Variants in SUGCT observed in about 807,000 individuals in gnomAD.
SUGCT encodes the protein succinyl-CoA:glutarate CoA-transferase.
In SUGCT, 41 loss-of-function variants were observed where a neutral mutation model predicts 55.0. That is an observed-to-expected ratio of 0.74 (90% CI 0.58 to 0.97). SUGCT has a LOEUF of 0.97. Ranked by LOEUF, SUGCT falls within the 50% of genes least tolerant of loss-of-function variation. The pLI is 0.00. For missense variants in SUGCT, 568 were observed against 547.8 expected (o/e 1.04, Z -0.37); for synonymous variants, 187 against 200.4 (o/e 0.93, Z 0.56).
intron 9 of SUGCT, among the ~76,000 whole-genome samples, chr7:40,382,175 CTT>C (rs988006199): frequency 6.6e-5 from 10 of 152,014 alleles, no homozygotes; most frequent in Admixed American, 4.6e-4. Flanking sequence ...TGTGTAGCCT[CTT>C]TTAAGAGTTT....
At chr7:40,354,332 A>G (rs974645171) in intron 9 of SUGCT, among the ~76,000 whole-genome samples, 1 of 152,104 alleles carries the variant, frequency 6.6e-6, no homozygotes, top group Admixed American at 6.6e-5. Flanking sequence ...ATGGACGGAG[A>G]GGTGGGAAAA....
chr7:40,200,814 C>T (rs1786551615), intron 6 of SUGCT, among the ~76,000 whole-genome samples: 1 of 151,954 alleles, frequency 6.6e-6, no homozygotes, highest in African/African-American at 2.4e-5. Context: ...TGAAATGGGG[C>T]TCAGGTTTCA....
intron 7 of SUGCT, 141 bp downstream of exon 7, chr7:40,237,867 A>G (rs1789115853): frequency 3.1e-6 from 2 of 647,672 alleles, no homozygotes; most frequent in Admixed American, 3.0e-5. Flanking sequence ...GAAATTAATA[A>G]TTTTAGAAAG....
intron 9 of SUGCT, among the ~76,000 whole-genome samples, chr7:40,441,983 G>A (rs1788540692): frequency 6.6e-6 from 1 of 152,028 alleles, no homozygotes; most frequent in Admixed American, 6.6e-5. Flanking sequence ...ATGGGTCTGG[G>A]TAGAGTTAAG....
chr7:40,195,784 G>A (rs1192970863), intron 6 of SUGCT, among the ~76,000 whole-genome samples: 1 of 129,164 alleles, frequency 7.7e-6, no homozygotes, highest in African/African-American at 2.9e-5. Context: ...GCATGATCTC[G>A]GCTCACTGCA....
At chr7:40,172,909 C>T (rs941566027) in intron 1 of SUGCT, among the ~76,000 whole-genome samples, 1 of 152,168 alleles carries the variant, frequency 6.6e-6, no homozygotes, top group African/African-American at 2.4e-5. Flanking sequence ...CCTGGTATTT[C>T]CTCTGATTCT....
chr7:40,334,194 T>G (rs886537539), intron 9 of SUGCT, among the ~76,000 whole-genome samples: 2 of 152,320 alleles, frequency 1.3e-5, no homozygotes, highest in East Asian at 3.9e-4. Flanking sequence ...CTATTGTGAA[T>G]AGTGCCGCCA....
the SUGCT span, among the ~76,000 whole-genome samples, chr7:40,956,492 T>C: frequency 2.5e-4 from 38 of 152,116 alleles, no homozygotes; most frequent in African/African-American, 8.9e-4. Flanking sequence ...ATCATTTTCA[T>C]TGTTTCTATT....
intron 5 of SUGCT, 113 bp from the exon 6 acceptor site, chr7:40,194,827 C>A (rs907144917): frequency 8.1e-7 from 1 of 1,239,622 alleles, no homozygotes; most frequent in Non-Finnish European, 1.1e-6. Context: ...CTTCATCAGT[C>A]CTGTGATTTT....
chr7:41,003,568 A>G, the SUGCT span, among the ~76,000 whole-genome samples: 1 of 152,214 alleles, frequency 6.6e-6, no homozygotes, highest in Non-Finnish European at 1.5e-5. Flanking sequence ...AAATCCATGC[A>G]TCAGACAAAA....
At chr7:40,899,589 C>T in the SUGCT span, among the ~76,000 whole-genome samples, 1 of 151,994 alleles carries the variant, frequency 6.6e-6, no homozygotes, top group African/African-American at 2.4e-5. Context: ...AAAAAGGCTC[C>T]AAGAAGGTAA....
intron 6 of SUGCT, among the ~76,000 whole-genome samples, chr7:40,234,401 G>A (rs925993507): frequency 9.8e-5 from 15 of 152,286 alleles, no homozygotes; most frequent in Middle Eastern, 3.4e-3. Flanking sequence ...CTCTACAGCA[G>A]CACACTACCT....
intron 12 of SUGCT, among the ~76,000 whole-genome samples, chr7:40,661,813 C>A (rs1801312618): frequency 6.6e-6 from 1 of 152,162 alleles, no homozygotes; most frequent in Non-Finnish European, 1.5e-5. Context: ...TCTTGGTCTT[C>A]TTTGCTGGCT....
At chr7:40,390,939 T>G (rs1345480130) in intron 9 of SUGCT, among the ~76,000 whole-genome samples, 1 of 152,190 alleles carries the variant, frequency 6.6e-6, no homozygotes, top group Non-Finnish European at 1.5e-5. Flanking sequence ...GACAGAGATG[T>G]AGACCAATGG....
intron 1 of SUGCT, among the ~76,000 whole-genome samples, chr7:40,149,514 C>T (rs948274336): frequency 6.6e-6 from 1 of 152,162 alleles, no homozygotes; most frequent in African/African-American, 2.4e-5. Flanking sequence ...TAGGGCTGGG[C>T]GCGGTGGCTC....
intron 9 of SUGCT, among the ~76,000 whole-genome samples, chr7:40,355,168 T>G (rs1169801171): frequency 6.6e-6 from 1 of 152,170 alleles, no homozygotes; most frequent in Non-Finnish European, 1.5e-5. Flanking sequence ...TCACTTGAAA[T>G]TCCTGGATTC....
the SUGCT span, among the ~76,000 whole-genome samples, chr7:40,942,088 A>G: frequency 6.6e-6 from 1 of 152,084 alleles, no homozygotes; most frequent in Non-Finnish European, 1.5e-5. Flanking sequence ...ATAAAGTACT[A>G]TTTCAGTCAT....
At chr7:40,278,287 A>T (rs1234767089) in intron 8 of SUGCT, among the ~76,000 whole-genome samples, 1 of 152,168 alleles carries the variant, frequency 6.6e-6, no homozygotes, top group African/African-American at 2.4e-5. Flanking sequence ...CAGGTGCTGG[A>T]GAGGATGTGG....
chr7:40,454,336 G>T (rs1789354608), intron 10 of SUGCT, among the ~76,000 whole-genome samples: 1 of 152,152 alleles, frequency 6.6e-6, no homozygotes, highest in Admixed American at 6.5e-5. Flanking sequence ...AACCATAAAT[G>T]GGATAAACTG....
Sources: allele counts gnomAD v4.1 joint callset (sites outside exome capture counted in the v4.1 genomes callset), GRCh38; gene constraint gnomAD v4.1.1; transcripts MANE v1.5; gene names NCBI Gene and HGNC (gene_info 2026-07-23, HGNC 2026-07-21).